MYO16: variants seen among roughly 807,000 people sequenced by gnomAD.
The protein encoded by MYO16 is unconventional myosin-XVI.
Under a neutral mutation model 205.3 loss-of-function variants are expected in MYO16, and 94 were observed. The ratio of observed to expected loss-of-function variants is 0.46; its 90% confidence interval spans 0.39 to 0.54. MYO16 has a LOEUF of 0.54. Ranked by LOEUF, MYO16 falls within the 20% of genes least tolerant of loss-of-function variation. The pLI is 0.00. For missense variants in MYO16, 2,315 were observed against 2,387.5 expected (o/e 0.97, Z 0.63); for synonymous variants, 988 against 954.0 (o/e 1.04, Z -0.66).
rs548914866 is a variant in MYO16 at position 109,203,780 on chromosome 13, T to G, written c.5416-2829T>G. Among the ~76,000 whole-genome samples, 27 of 152,366 alleles carry G rather than the reference T, an allele frequency of 1.8e-4. No homozygotes were observed. The South Asian group carries it at 5.2e-3, about 29-fold the overall frequency. On this transcript the variant is annotated intron_variant, in intron 34 of 34. Coordinates refer to ENST00000457511, the MANE Select transcript of MYO16 (RefSeq NM_001198950.3). ...ATCACCCCTGCCAGGGTTTTACTTC[T>G]GAAGCACCTCTGTCACTGTAGGAGG...
At chr13:108,832,057 G>C (rs1033387184) in intron 9 of MYO16, among the ~76,000 whole-genome samples, 1 of 151,666 alleles carries the variant, frequency 6.6e-6, no homozygotes, top group African/African-American at 2.4e-5. Flanking sequence ...CTTGCTTCTT[G>C]TGCCAAAGTT....
intron 12 of MYO16, among the ~76,000 whole-genome samples, 156 bp from the exon 13 acceptor site, chr13:108,882,903 G>A (rs1879687313): frequency 6.6e-6 from 1 of 152,136 alleles, no homozygotes; most frequent in African/African-American, 2.4e-5. Context: ...TGCTGAGAAG[G>A]GTGTAATTTT....
intron 28 of MYO16, 52 bp downstream of exon 28, chr13:109,100,939 A>T (rs762857935): frequency 1.1e-5 from 16 of 1,508,610 alleles, no homozygotes; most frequent in East Asian, 4.6e-5. Flanking sequence ...TAAATAAATG[A>T]GCTGAGTCAT....
rs144127414 is a variant in MYO16, at chr13:109,021,659, C to T, written c.2796+1748C>T. ...ATGCATGGGCGATGCCATTCCAACA[C>T]AGCACCTACCTAGTATTTGGGAAGT... On this transcript the variant is annotated intron_variant, in intron 23 of 34. Coordinates refer to ENST00000457511, the MANE Select transcript of MYO16 (RefSeq NM_001198950.3). Among the ~76,000 whole-genome samples, 120 of 152,242 alleles carry T rather than the reference C, an allele frequency of 7.9e-4. 1 individual carries two copies. Among genetic ancestry groups the T allele is most frequent in the African/African-American group, 2.8e-3 (118 of 41,540 alleles).
intron 27 of MYO16, among the ~76,000 whole-genome samples, chr13:109,084,261 T>C (rs1174027159): frequency 6.6e-6 from 1 of 152,174 alleles, no homozygotes; most frequent in Non-Finnish European, 1.5e-5. Context: ...AATGATAGCA[T>C]TGCCAATTCA....
chr13:108,640,473 C>T (rs150470186), intron 1 of MYO16, among the ~76,000 whole-genome samples: 20 of 152,228 alleles, frequency 1.3e-4, no homozygotes, highest in African/African-American at 4.8e-4. Flanking sequence ...ACACACAGGG[C>T]AGTTGGTGGA....
chr13:108,851,672 T>C (rs910311428), intron 10 of MYO16, among the ~76,000 whole-genome samples: 1 of 152,184 alleles, frequency 6.6e-6, no homozygotes, highest in African/African-American at 2.4e-5. Context: ...CTCCTCTTTT[T>C]CTTAAATTAA....
At chr13:108,858,986 T>G (rs1378431986) in intron 11 of MYO16, among the ~76,000 whole-genome samples, 1 of 152,126 alleles carries the variant, frequency 6.6e-6, no homozygotes, top group Non-Finnish European at 1.5e-5. Flanking sequence ...CATTCCTCCC[T>G]CCCTTCAGGT....
chr13:109,130,396 C>A (rs117172731), intron 31 of MYO16, among the ~76,000 whole-genome samples: 2,681 of 152,296 alleles, frequency 0.018, 38 homozygotes, highest in South Asian at 0.03. Context: ...ATTCTTCATG[C>A]TGGTTACTTT....
chr13:108,544,799 G>A, the MYO16 span, among the ~76,000 whole-genome samples: 1 of 151,964 alleles, frequency 6.6e-6, no homozygotes. Flanking sequence ...ATCTCCATGG[G>A]TTCAGTTGTT....
intron 23 of MYO16, among the ~76,000 whole-genome samples, chr13:109,037,072 A>G (rs773522998): frequency 2.6e-4 from 39 of 152,212 alleles, no homozygotes; most frequent in Admixed American, 5.9e-4. Flanking sequence ...CTGACACTCC[A>G]GACTCAAAAA....
At chr13:108,947,105 G>A (rs1421269950) in intron 16 of MYO16, among the ~76,000 whole-genome samples, 1 of 152,204 alleles carries the variant, frequency 6.6e-6, no homozygotes, top group Non-Finnish European at 1.5e-5. Context: ...GTAACTATCT[G>A]TACATGGTCA....
At chr13:108,626,876 A>G (rs1001984315), upstream of MYO16, among the ~76,000 whole-genome samples, 5 of 147,088 alleles carry the variant, frequency 3.4e-5, no homozygotes, top group Non-Finnish European at 6.0e-5. Context: ...ATACATGTAT[A>G]TATGTATATT....
intron 27 of MYO16, among the ~76,000 whole-genome samples, chr13:109,081,798 G>A (rs1036990812): frequency 3.9e-5 from 6 of 152,140 alleles, no homozygotes; most frequent in African/African-American, 1.2e-4. Context: ...GTATTTTAGG[G>A]TATAAAACTT....
chr13:108,719,397 T>C (rs1444606041), intron 3 of MYO16, among the ~76,000 whole-genome samples: 2 of 152,178 alleles, frequency 1.3e-5, no homozygotes, highest in African/African-American at 4.8e-5. Context: ...CTGCTTATAA[T>C]TCCACAAATG....
chr13:108,522,695 C>T, the MYO16 span, among the ~76,000 whole-genome samples: 1 of 152,072 alleles, frequency 6.6e-6, no homozygotes, highest in African/African-American at 2.4e-5. Context: ...GCCTGGCAAT[C>T]TTTGGTGTTC....
chr13:109,019,901 A>G lies in MYO16; in HGVS notation c.2786A>G (p.Tyr929Cys). The G allele has an allele frequency of 1.2e-6, 2 of 1,614,086 alleles. No individual in the cohort carries two copies. The highest frequency in any genetic ancestry group is 1.7e-6 in the Non-Finnish European group (2 of 1,179,982). ...GGTACAGCCTTCACCATCATGCACT[A>G]CGCAGGAAGGGTAAGTGGCCAGAAC... is the stretch of plus-strand genomic sequence containing the variant. ...DHGTAFTIMH[Y>C]AGRVMYDVVG... Residue 929 changes from tyrosine (Y) to cysteine (C), a missense_variant, in exon 23 of 35, where the codon TAC (tyrosine) becomes TGC (cysteine). By Grantham distance (194) the Tyr-to-Cys change is radical (BLOSUM62 -2). Around this residue, in one of 3 missense-constraint regions of MYO16, gnomAD observed 1,213 missense variants for 1,274.4 expected, o/e 0.95. Coordinates refer to ENST00000457511, the MANE Select transcript of MYO16 (RefSeq NM_001198950.3).
chr13:109,109,955 C>T (rs961023521), intron 28 of MYO16, among the ~76,000 whole-genome samples: 4 of 152,222 alleles, frequency 2.6e-5, no homozygotes, highest in Non-Finnish European at 5.9e-5. Flanking sequence ...ACCATGGTAT[C>T]ATGTTTTTAG....
At chr13:108,729,711 T>C (rs1205600120) in intron 4 of MYO16, among the ~76,000 whole-genome samples, 2 of 152,240 alleles carry the variant, frequency 1.3e-5, no homozygotes, top group African/African-American at 4.8e-5. Flanking sequence ...TGCAAATGTC[T>C]GGACACAGGC....
Sources: allele counts gnomAD v4.1 joint callset (sites outside exome capture counted in the v4.1 genomes callset), GRCh38; gene constraint gnomAD v4.1.1; regional missense constraint gnomAD v4.1.1; transcripts MANE v1.5; gene names NCBI Gene and HGNC (gene_info 2026-07-23, HGNC 2026-07-21).